The following PCDHA4 variants were observed in gnomAD, a reference collection of about 807,000 sequenced individuals.
PCDHA4 encodes the protein protocadherin alpha 4.
Under a neutral mutation model 61.4 loss-of-function variants are expected in PCDHA4, and 49 were observed. The ratio of observed to expected loss-of-function variants is 0.80; its 90% CI spans 0.63 to 1.01. The LOEUF (loss-of-function observed/expected upper bound fraction) is 1.01. PCDHA4 is among the 50% of genes least tolerant of loss of function. The pLI is 0.00. For synonymous variants in PCDHA4, 590 were observed against 550.3 expected, an observed-to-expected ratio of 1.07 and a Z score of -1.01; for missense variants, 1,254 against 1,235.8, an observed-to-expected ratio of 1.01 and a Z score of -0.22.
rs377029109 is a variant in PCDHA4, at chr5:141,002,346, C to G, written c.2534-7281C>G. On this transcript the variant is annotated intron_variant, in intron 3 of 3. Coordinates refer to ENST00000530339, the MANE Select transcript of PCDHA4 (RefSeq NM_018907.4). Reference sequence around the variant, plus strand: ...CGGGCTGCATCCGCACCCCTTCCCCCACCTCCACTCCTTTCAACTCATTCT... The same window carrying G: ...CGGGCTGCATCCGCACCCCTTCCCCGACCTCCACTCCTTTCAACTCATTCT... Among the ~76,000 whole-genome samples, 17 of 152,370 alleles carry G rather than the reference C, an allele frequency of 1.1e-4. No homozygotes were observed. The East Asian group carries it at 2.7e-3, about 24-fold the overall frequency.
At chr5:140,914,964 T>A (rs1328203928) in intron 1 of PCDHA4, among the ~76,000 whole-genome samples, 18 of 131,662 alleles carry the variant, frequency 1.4e-4, no homozygotes, top group Non-Finnish European at 3.0e-4. Context: ...TTTTTTTTTC[T>A]GAGTCAGAGT....
At chr5:140,881,392 A>G (rs2058698624) in intron 1 of PCDHA4, 2 of 979,256 alleles carry the variant, frequency 2.0e-6, no homozygotes. Context: ...CGGTAAGTTA[A>G]ATTCTATTAA....
chr5:140,851,458 A>G lies in PCDHA4; in HGVS notation c.2385+41886A>G, dbSNP rs543530634. 8 of 902,168 alleles carry G rather than the reference A, an allele frequency of 8.9e-6. 1 individual carries two copies. The African/African-American group carries it at 1.4e-4, about 16-fold the overall frequency. 55.9% of individuals were successfully genotyped at this position (902,168 alleles called of 1,614,324 possible). ...ACAGTTGCTCCACTTTAGGAATCAA[A>G]TTATGTCAATAAATGTTATAAACAC... On this transcript the variant is annotated intron_variant, in intron 1 of 3. Coordinates refer to ENST00000530339, the MANE Select transcript of PCDHA4 (RefSeq NM_018907.4).
At chr5:140,922,144 A>C (rs906517842) in intron 1 of PCDHA4, among the ~76,000 whole-genome samples, 5 of 151,922 alleles carry the variant, frequency 3.3e-5, no homozygotes, top group African/African-American at 1.2e-4. Flanking sequence ...TCCTCCATGA[A>C]ACTCATCAAA....
chr5:140,849,588 C>A (rs2150441639), intron 1 of PCDHA4: 12 of 1,598,674 alleles, frequency 7.5e-6, no homozygotes, highest in Non-Finnish European at 1.0e-5. Flanking sequence ...GGACGCACAA[C>A]TGGGGACAGT....
At chr5:140,889,632 C>T (rs265311) in intron 1 of PCDHA4, among the ~76,000 whole-genome samples, 138,318 of 152,176 alleles carry the variant, frequency 0.91, 63,092 homozygotes, top group East Asian at 1. Context: ...CTCTTCTTTT[C>T]ATTTGTGTTT....
Position 140,883,704 on chromosome 5 carries a change from C to A in PCDHA4, c.2385+74132C>A, listed in dbSNP as rs782488934. The A allele has an allele frequency of 1.9e-5, 31 of 1,613,628 alleles. 1 individual carries two copies. In the Middle Eastern group the frequency reaches 5.0e-4, roughly 26 times the overall value. ...GGCTGCCACATCTTCACGGTGTCTG[C>A]TCAGGACGCGGACGCACAGGAGAAC... On this transcript the variant is annotated intron_variant, in intron 1 of 3. Transcript: ENST00000530339.
intron 3 of PCDHA4, among the ~76,000 whole-genome samples, chr5:141,004,794 G>A (rs1272334301): frequency 6.6e-6 from 1 of 152,144 alleles, no homozygotes; most frequent in Non-Finnish European, 1.5e-5. Context: ...GGCAGATTCT[G>A]GCTGAGCTCA....
At chr5:140,833,837 T>C (rs1469438718) in intron 1 of PCDHA4, among the ~76,000 whole-genome samples, 1 of 152,176 alleles carries the variant, frequency 6.6e-6, no homozygotes, top group African/African-American at 2.4e-5. Context: ...GAGTACAGGA[T>C]TTTTCTTAAC....
Position 140,882,398 on chromosome 5 carries a change from T to C in PCDHA4, c.2385+72826T>C, listed in dbSNP as rs782596260. The C allele has an allele frequency of 5.6e-6, 9 of 1,614,040 alleles. No individual in the cohort carries two copies. In the African/African-American group the frequency reaches 9.3e-5, roughly 17 times the overall value. On this transcript the variant is annotated intron_variant, in intron 1 of 3. Coordinates refer to ENST00000530339, the MANE Select transcript of PCDHA4 (RefSeq NM_018907.4). ...CCCCGAGGAAGCAAAACACGGCACCTTCGTGGGCCGCATCGCTCAGGACCT... is the reference window on the plus strand; with the variant it reads ...CCCCGAGGAAGCAAAACACGGCACCCTCGTGGGCCGCATCGCTCAGGACCT...
intron 1 of PCDHA4, among the ~76,000 whole-genome samples, chr5:140,899,340 C>T (rs1199833845): frequency 6.6e-6 from 1 of 152,062 alleles, no homozygotes; most frequent in Non-Finnish European, 1.5e-5. Flanking sequence ...TCATAGATAG[C>T]TCTTATTATT....
intron 1 of PCDHA4, among the ~76,000 whole-genome samples, chr5:140,960,851 T>C (rs782540669): frequency 5.3e-5 from 8 of 152,210 alleles, no homozygotes; most frequent in Non-Finnish European, 7.3e-5. Context: ...TAATGGCAAC[T>C]ATAAGCCAGA....
At chr5:140,841,517 G>T (rs2150317250) in intron 1 of PCDHA4, 29 of 1,613,422 alleles carry the variant, frequency 1.8e-5, no homozygotes, top group Non-Finnish European at 2.3e-5. Flanking sequence ...CCTGTTCCGG[G>T]TGGCGTCCAA....
At chr5:140,969,010 A>C (rs782688503) in intron 1 of PCDHA4, 2 of 1,614,168 alleles carry the variant, frequency 1.2e-6, no homozygotes, top group Admixed American at 3.3e-5. Context: ...TCTGTGGAGT[A>C]AGGGAAAGGT....
chr5:140,957,746 AG>A (rs1173855054), intron 1 of PCDHA4, among the ~76,000 whole-genome samples: 1 of 152,136 alleles, frequency 6.6e-6, no homozygotes, highest in Non-Finnish European at 1.5e-5. Flanking sequence ...CTGACATGAA[AG>A]GATGTTCATT....
chr5:140,823,332 G>T (rs1767664494), intron 1 of PCDHA4: 1 of 1,612,026 alleles, frequency 6.2e-7, no homozygotes, highest in Non-Finnish European at 8.5e-7. Context: ...TGTACGCGCT[G>T]CAGCCGCTGG....
intron 1 of PCDHA4, among the ~76,000 whole-genome samples, chr5:140,891,122 G>A (rs572236105): frequency 1.3e-5 from 2 of 152,256 alleles, no homozygotes; most frequent in African/African-American, 4.8e-5. Flanking sequence ...CAATCTAAAT[G>A]TCATTCCTTT....
At chr5:140,840,654 A>T (rs17119241) in intron 1 of PCDHA4, among the ~76,000 whole-genome samples, 31,454 of 151,946 alleles carry the variant, frequency 0.21, 4,191 homozygotes, top group African/African-American at 0.36. Flanking sequence ...AGTGTAAAGA[A>T]TATGCACATA....
In PCDHA4 at chr5:140,870,728, C is replaced by A. The variant is rs531202250; in HGVS notation, c.2385+61156C>A. On this transcript the variant is annotated intron_variant, in intron 1 of 3. Coordinates refer to ENST00000530339, the MANE Select transcript of PCDHA4 (RefSeq NM_018907.4). ...GTGAGCGCGCGCGATGCGGGCGTGCCGCCTCTGAGCAGCAACGTGACGCTG... is the reference window on the plus strand; with the variant it reads ...GTGAGCGCGCGCGATGCGGGCGTGCAGCCTCTGAGCAGCAACGTGACGCTG... The A allele has an allele frequency of 5.8e-5, 93 of 1,613,338 alleles. No individual in the cohort carries two copies. Among genetic ancestry groups the A allele is most frequent in the East Asian group, 1.1e-4 (5 of 44,876 alleles).
Sources: gnomAD v4.1 joint callset for allele counts (sites outside exome capture counted in the v4.1 genomes callset) on GRCh38, gnomAD v4.1.1 for gene constraint, MANE v1.5 for transcripts, NCBI Gene and HGNC (gene_info 2026-07-23, HGNC 2026-07-21) for gene names.